Variants in GDAP1 observed in about 807,000 individuals in gnomAD.
GDAP1 encodes the protein ganglioside induced differentiation associated protein 1.
Under a neutral mutation model 40.1 loss-of-function variants are expected in GDAP1, and 34 were observed. The ratio of observed to expected loss-of-function variants is 0.85; its 90% CI spans 0.64 to 1.13. The LOEUF (loss-of-function observed/expected upper bound fraction) is 1.13. GDAP1 is among the 50% of genes most tolerant of loss of function. The pLI, the probability that GDAP1 is intolerant of heterozygous loss-of-function variation, is 0.00. For missense variants in GDAP1, 374 were observed against 433.7 expected, an observed-to-expected ratio of 0.86 and a Z score of 1.22; for synonymous variants, 170 against 157.4, an observed-to-expected ratio of 1.08 and a Z score of -0.60.
chr8:74,391,226 T>TG (rs1196047469), intron 2 of GDAP1, among the ~76,000 whole-genome samples: 1 of 150,952 alleles, frequency 6.6e-6, no homozygotes, highest in Non-Finnish European at 1.5e-5. Flanking sequence ...TAGTGGGGTA[T>TG]GAAAAAAAAA....
rs188371322 is a variant in GDAP1 at position 74,408,009 on chromosome 8, T to A, written c.165+56688T>A. On this transcript the variant is annotated intron_variant, in intron 2 of 2. Coordinates refer to the GDAP1 transcript ENST00000523640. ...CTTTCCTCAACTTTTCAGAATCAAA[T>A]GAACTTCCCTAAATGAAAATACTTG... Among the ~76,000 whole-genome samples, 176 of 150,308 alleles carry A rather than the reference T, an allele frequency of 1.2e-3. 21 individuals carry two copies. The highest frequency in any genetic ancestry group is 4.2e-3 in the African/African-American group (168 of 39,620).
rs1380854548 is a variant in GDAP1 at position 74,364,327 on chromosome 8, G to A, written c.1037G>A (p.Ser346Asn). The stretch of plus-strand genomic sequence containing the variant: ...ATGCTTTTCAGAAAGAGGCTTGGCA[G>A]CATGATATTAGCATTTAGACCCAGA... ...AFMLFRKRLGSMILAFRPRPN... is the reference protein window; with the variant it reads ...AFMLFRKRLGNMILAFRPRPN... Residue 346 changes from serine to asparagine, a missense_variant, in exon 6 of 6, where the codon AGC becomes AAC. Transcript: ENST00000220822. 2 of 1,614,024 alleles carry A rather than the reference G, an allele frequency of 1.2e-6. No individual in the cohort carries two copies. The highest frequency in any genetic ancestry group is 3.3e-4 in the Middle Eastern group (2 of 6,062).
chr8:74,481,611 T>C (rs1426861028), intron 2 of GDAP1, among the ~76,000 whole-genome samples: 1 of 152,208 alleles, frequency 6.6e-6, no homozygotes, highest in Non-Finnish European at 1.5e-5. Context: ...CAACTCCCTT[T>C]CTAATAAGTT....
chr8:74,456,038 A>G (rs1374899434), intron 2 of GDAP1, among the ~76,000 whole-genome samples: 4 of 151,974 alleles, frequency 2.6e-5, no homozygotes, highest in African/African-American at 9.7e-5. Flanking sequence ...TGTCATATTT[A>G]TGTAGAAAAT....
At chr8:74,418,092 T>C (rs1186403937) in intron 2 of GDAP1, among the ~76,000 whole-genome samples, 3 of 152,174 alleles carry the variant, frequency 2.0e-5, no homozygotes, top group African/African-American at 7.2e-5. Context: ...ATCTCAACAT[T>C]TCAAAGATTT....
At chr8:74,477,463 G>GTT (rs71271806) in intron 2 of GDAP1, among the ~76,000 whole-genome samples, 11 of 147,178 alleles carry the variant, frequency 7.5e-5, no homozygotes, top group East Asian at 3.9e-4. Flanking sequence ...CCTTTGGATG[G>GTT]TTTTTTTTTT....
intron 2 of GDAP1, among the ~76,000 whole-genome samples, chr8:74,376,062 A>G (rs1019143008): frequency 3.3e-5 from 5 of 152,254 alleles, no homozygotes; most frequent in Admixed American, 6.5e-5. Flanking sequence ...TAACCGATGT[A>G]TAATACAGCC....
At chr8:74,466,727 C>G (rs765249276) in intron 2 of GDAP1, among the ~76,000 whole-genome samples, 3 of 152,090 alleles carry the variant, frequency 2.0e-5, no homozygotes, top group African/African-American at 4.8e-5. Context: ...CAAGTAAAAA[C>G]GTTAAATAGG....
intron 2 of GDAP1, among the ~76,000 whole-genome samples, chr8:74,436,571 C>T (rs559459019): frequency 7.2e-5 from 11 of 151,830 alleles, no homozygotes; most frequent in African/African-American, 1.7e-4. Context: ...TACAGGTGTG[C>T]GCCACCACAG....
At chr8:74,378,119 C>T (rs1039472544) in intron 2 of GDAP1, among the ~76,000 whole-genome samples, 2 of 152,178 alleles carry the variant, frequency 1.3e-5, no homozygotes, top group South Asian at 2.1e-4. Flanking sequence ...ATCAGTGTAT[C>T]AGTGCCATTT....
intron 2 of GDAP1, among the ~76,000 whole-genome samples, chr8:74,429,588 A>G (rs925804481): frequency 2.0e-5 from 3 of 152,180 alleles, no homozygotes; most frequent in South Asian, 4.1e-4. Flanking sequence ...AGATGTCTTC[A>G]CATGGTCTTC....
At position 74,410,405 on chromosome 8, in the gene GDAP1, TAA is replaced by T. The variant is rs908672788; in HGVS notation, c.165+59085_165+59086del. 8.7e-5 allele frequency among the ~76,000 whole-genome samples: 13 copies of T among 150,180 alleles called. 1 individual carries two copies. Among genetic ancestry groups the T allele is most frequent in the African/African-American group, 3.3e-4 (13 of 39,514 alleles). On this transcript the variant is annotated intron_variant, in intron 2 of 2. Coordinates refer to the GDAP1 transcript ENST00000523640. ...ATTAGAGTCAGTTACTGAGAAAACA[TAA>T]GAGTCTATCAACATGAAATATTAGA...
intron 2 of GDAP1, among the ~76,000 whole-genome samples, chr8:74,448,820 A>G (rs1339658751): frequency 1.3e-5 from 2 of 152,092 alleles, no homozygotes; most frequent in East Asian, 3.8e-4. Flanking sequence ...AGATATATGC[A>G]TTACAAGTAT....
rs1338001956 is a variant in GDAP1 at position 74,357,838 on chromosome 8, G to T, written c.311-2299G>T. On this transcript the variant is annotated intron_variant, in intron 2 of 5. Transcript: ENST00000220822. ...GTACATTACTGAGAAAAAAATTCTT[G>T]CTTTTGGTATTTTGATAAAGGTACT... Among the ~76,000 whole-genome samples, 4 of 152,092 alleles carry T rather than the reference G, an allele frequency of 2.6e-5. No individual in the cohort carries two copies. In the East Asian group the frequency reaches 7.7e-4, roughly 29 times the overall value.
chr8:74,358,978 T>C (rs1456026874), intron 2 of GDAP1, among the ~76,000 whole-genome samples: 1 of 152,198 alleles, frequency 6.6e-6, no homozygotes, highest in African/African-American at 2.4e-5. Flanking sequence ...GTGATAGTTA[T>C]TAGACCTGAC....
chr8:74,435,607 GT>G (rs1481421039), intron 2 of GDAP1, among the ~76,000 whole-genome samples: 1 of 152,160 alleles, frequency 6.6e-6, no homozygotes, highest in Non-Finnish European at 1.5e-5. Flanking sequence ...AGGATTCTGA[GT>G]TTTTAGAAAC....
At chr8:74,458,153 T>C (rs1005548840) in intron 2 of GDAP1, among the ~76,000 whole-genome samples, 1 of 152,090 alleles carries the variant, frequency 6.6e-6, no homozygotes, top group Non-Finnish European at 1.5e-5. Context: ...AGAATTTTAT[T>C]AACTCATTGC....
At chr8:74,448,930 C>A (rs1038778035) in intron 2 of GDAP1, among the ~76,000 whole-genome samples, 3 of 151,974 alleles carry the variant, frequency 2.0e-5, no homozygotes, top group African/African-American at 7.2e-5. Flanking sequence ...AAAAAGTGTT[C>A]AGTGCTAATT....
At chr8:74,421,001 A>G (rs972724237) in intron 2 of GDAP1, among the ~76,000 whole-genome samples, 1 of 152,040 alleles carries the variant, frequency 6.6e-6, no homozygotes, top group African/African-American at 2.4e-5. Flanking sequence ...CACTTATATC[A>G]TAGCTCTGGG....
Sources: allele counts gnomAD v4.1 joint callset (sites outside exome capture counted in the v4.1 genomes callset), GRCh38; gene constraint gnomAD v4.1.1; transcripts MANE v1.5; gene names NCBI Gene and HGNC (gene_info 2026-07-23, HGNC 2026-07-21).